Variants in VRK2 observed in about 807,000 individuals in gnomAD.
VRK2 encodes the protein VRK serine/threonine kinase 2.
VRK2 carries 60 observed loss-of-function variants against 57.6 expected under a neutral mutation model. The ratio of observed to expected loss-of-function variants is 1.04; its 90% CI spans 0.85 to 1.29. VRK2 has a LOEUF of 1.29. VRK2 is among the 50% of genes most tolerant of loss of function. The pLI, the probability that VRK2 is intolerant of heterozygous loss-of-function variation, is 0.00. For missense variants in VRK2, 705 were observed against 588.1 expected, an observed-to-expected ratio of 1.20 and a Z score of -2.06; for synonymous variants, 231 against 199.2, an observed-to-expected ratio of 1.16 and a Z score of -1.35.
At chr2:58,079,275 T>C (rs377281828) in intron 2 of VRK2, among the ~76,000 whole-genome samples, 103 of 152,220 alleles carry the variant, frequency 6.8e-4, no homozygotes, top group African/African-American at 2.0e-3. Context: ...TAAAGTGATA[T>C]TTGCCAGGTT....
intron 8 of VRK2, among the ~76,000 whole-genome samples, chr2:58,130,895 G>T (rs1321372425): frequency 6.6e-6 from 1 of 152,004 alleles, no homozygotes; most frequent in Non-Finnish European, 1.5e-5. Flanking sequence ...TCAGTGGTTT[G>T]TTAATATGTA....
chr2:58,073,344 T>A (rs1020682883), intron 2 of VRK2, among the ~76,000 whole-genome samples: 13 of 152,008 alleles, frequency 8.6e-5, no homozygotes, highest in African/African-American at 2.7e-4. Context: ...TGCTGTCAGT[T>A]CAACCGTATT....
chr2:57,922,897 C>T (rs1572864071), intron 1 of VRK2, among the ~76,000 whole-genome samples: 1 of 151,762 alleles, frequency 6.6e-6, no homozygotes, highest in African/African-American at 2.4e-5. Flanking sequence ...TTCTAGTAAC[C>T]GTAATTCTAT....
chr2:58,078,064 A>G (rs1670378701), intron 2 of VRK2, among the ~76,000 whole-genome samples: 1 of 152,104 alleles, frequency 6.6e-6, no homozygotes, highest in Non-Finnish European at 1.5e-5. Context: ...AGTGTTAAGT[A>G]TATTCACATT....
chr2:58,102,078 C>T (rs999692438), intron 7 of VRK2, among the ~76,000 whole-genome samples: 1 of 151,442 alleles, frequency 6.6e-6, no homozygotes, highest in Admixed American at 6.6e-5. Flanking sequence ...AAGATCTACC[C>T]AATGTGTCAA....
chr2:58,140,475 A>G (rs892520040), intron 11 of VRK2, among the ~76,000 whole-genome samples: 3 of 151,986 alleles, frequency 2.0e-5, no homozygotes, highest in Admixed American at 1.3e-4. Context: ...CTCAGCATCC[A>G]TGTCTTCCTT....
intron 1 of VRK2, among the ~76,000 whole-genome samples, chr2:57,979,049 T>C (rs1055384794): frequency 7.9e-5 from 12 of 151,340 alleles, no homozygotes; most frequent in Admixed American, 2.0e-4. Flanking sequence ...CCATGTTTTC[T>C]TTATCCAGTC....
chr2:58,043,012 T>A (rs1003740716), upstream of VRK2, among the ~76,000 whole-genome samples: 7 of 152,148 alleles, frequency 4.6e-5, no homozygotes, highest in African/African-American at 1.7e-4. Context: ...ATCCCAACAC[T>A]TAAAAAAAAC....
chr2:58,159,152 G>C (rs548613360), intron 12 of VRK2, 197 bp from the exon 13 acceptor site: 2 of 439,238 alleles, frequency 4.6e-6, no homozygotes, highest in African/African-American at 2.0e-5. Context: ...ATCCAGATTT[G>C]CTTGTTGGAT....
rs888356922 is a variant in VRK2, at chr2:57,979,039, C to T, written c.-438-46626C>T. ...CATAGTTTTCCATGTGGTATATGTA[C>T]CATGTTTTCTTTATCCAGTCTATCA... On this transcript the variant is annotated intron_variant, in intron 1 of 15. Coordinates refer to the VRK2 transcript ENST00000417641. 4.0e-5 allele frequency among the ~76,000 whole-genome samples: 6 copies of T among 150,970 alleles called. 2 individuals are homozygous for T. The highest frequency in any genetic ancestry group is 1.5e-4 in the African/African-American group (6 of 40,378).
chr2:58,085,105 G>A (rs1671435854), intron 4 of VRK2, 155 bp downstream of exon 4: 1 of 228,308 alleles, frequency 4.4e-6, no homozygotes, highest in Admixed American at 6.5e-5. Context: ...ATAAAAGCAA[G>A]ACAGATGGTA....
chr2:58,041,076 G>A (rs1411884946), intron 3 of VRK2: 5 of 984,980 alleles, frequency 5.1e-6, no homozygotes, highest in Non-Finnish European at 6.0e-6. Flanking sequence ...TAACTGGGGG[G>A]GAAAAAGGAT....
chr2:58,102,859 T>TA (rs1268964690), intron 7 of VRK2, among the ~76,000 whole-genome samples: 1 of 151,648 alleles, frequency 6.6e-6, no homozygotes, highest in Non-Finnish European at 1.5e-5. Context: ...CAATACATTT[T>TA]AAAAAATCAA....
chr2:57,968,643 T>C (rs1254633273), intron 1 of VRK2, among the ~76,000 whole-genome samples: 1 of 152,118 alleles, frequency 6.6e-6, no homozygotes, highest in Non-Finnish European at 1.5e-5. Flanking sequence ...ATATACCATT[T>C]CGTACTTTTT....
chr2:58,025,038 T>C (rs1439759168), intron 1 of VRK2, among the ~76,000 whole-genome samples: 1 of 152,228 alleles, frequency 6.6e-6, no homozygotes, highest in Admixed American at 6.5e-5. Context: ...ACGCTTCATA[T>C]GGTCATTCTT....
intron 1 of VRK2, among the ~76,000 whole-genome samples, chr2:57,941,767 T>C (rs1444744552): frequency 6.6e-6 from 1 of 152,252 alleles, no homozygotes; most frequent in Non-Finnish European, 1.5e-5. Context: ...TACACTCTTA[T>C]GCATAGGCTG....
intron 1 of VRK2, among the ~76,000 whole-genome samples, chr2:57,938,791 C>G (rs1210445424): frequency 1.3e-5 from 2 of 150,278 alleles, no homozygotes; most frequent in East Asian, 2.0e-4. Context: ...ACCTGAAGAT[C>G]ATGTATCTCT....
At chr2:57,941,263 T>C (rs1408212089) in intron 1 of VRK2, among the ~76,000 whole-genome samples, 3 of 152,104 alleles carry the variant, frequency 2.0e-5, no homozygotes, top group Non-Finnish European at 2.9e-5. Flanking sequence ...GCTCCCAAAT[T>C]TCAGTGTTAA....
At chr2:58,092,479 A>G (rs1375085091) in intron 7 of VRK2, among the ~76,000 whole-genome samples, 1 of 152,204 alleles carries the variant, frequency 6.6e-6, no homozygotes, top group Non-Finnish European at 1.5e-5. Flanking sequence ...TAAGCTAAGC[A>G]TTCACATACA....
Sources: gnomAD v4.1 joint callset for allele counts (sites outside exome capture counted in the v4.1 genomes callset) on GRCh38, gnomAD v4.1.1 for gene constraint, MANE v1.5 for transcripts, NCBI Gene and HGNC (gene_info 2026-07-23, HGNC 2026-07-21) for gene names.